The following FSIP1 variants were observed in gnomAD, a reference collection of about 807,000 sequenced individuals.
The protein encoded by FSIP1 is fibrous sheath interacting protein 1.
FSIP1 carries 65 observed loss-of-function variants against 60.9 expected under a neutral mutation model. The ratio of observed to expected loss-of-function variants is 1.07; its 90% CI spans 0.87 to 1.31. The LOEUF is 1.31. Among genes scored for constraint, FSIP1 ranks in the 40% most tolerant of loss-of-function variants. The probability of loss-of-function intolerance (pLI) is 0.00; values close to 1 mark genes in which losing one functional copy is unlikely to be tolerated. For synonymous variants in FSIP1, 209 were observed against 221.2 expected (o/e 0.94, Z 0.49); for missense variants, 675 against 665.5 (o/e 1.01, Z -0.16).
At chr15:39,780,089 G>T (rs1898197739) in intron 1 of FSIP1, among the ~76,000 whole-genome samples, 1 of 152,156 alleles carries the variant, frequency 6.6e-6, no homozygotes, top group Non-Finnish European at 1.5e-5. Context: ...CTTATCCCAA[G>T]AATTAGTGTT....
intron 11 of FSIP1, among the ~76,000 whole-genome samples, chr15:39,603,441 C>T (rs1424530722): frequency 6.6e-6 from 1 of 152,200 alleles, no homozygotes; most frequent in African/African-American, 2.4e-5. Context: ...AGGTAAGAGG[C>T]AGCACTGGCT....
intron 5 of FSIP1, among the ~76,000 whole-genome samples, chr15:39,758,513 G>T (rs1424734608): frequency 4.0e-5 from 6 of 151,810 alleles, no homozygotes; most frequent in Non-Finnish European, 7.4e-5. Flanking sequence ...TTTTTTTGAG[G>T]GGGGGGAATA....
intron 10 of FSIP1, among the ~76,000 whole-genome samples, chr15:39,634,850 T>C (rs1566861786): frequency 6.6e-6 from 1 of 152,154 alleles, no homozygotes; most frequent in Non-Finnish European, 1.5e-5. Context: ...TGTATCTTAC[T>C]CCCAGGATCC....
At chr15:39,625,039 C>T (rs148300117) in intron 10 of FSIP1, among the ~76,000 whole-genome samples, 5 of 152,296 alleles carry the variant, frequency 3.3e-5, no homozygotes, top group African/African-American at 1.2e-4. Flanking sequence ...GTGTGGGAAG[C>T]CCTTTTTATG....
At chr15:39,643,254 A>T (rs1054819310) in intron 10 of FSIP1, among the ~76,000 whole-genome samples, 1 of 152,252 alleles carries the variant, frequency 6.6e-6, no homozygotes, top group South Asian at 2.1e-4. Context: ...GTTTAGGAAA[A>T]CATTTAAAAG....
intron 11 of FSIP1, among the ~76,000 whole-genome samples, chr15:39,612,203 A>AAT (rs995110836): frequency 1.4e-4 from 21 of 152,180 alleles, no homozygotes; most frequent in African/African-American, 4.6e-4. Context: ...ACAGCAAGAA[A>AAT]ATACACATTC....
At chr15:39,668,944 T>C (rs1262189803) in intron 10 of FSIP1, among the ~76,000 whole-genome samples, 6 of 152,238 alleles carry the variant, frequency 3.9e-5, no homozygotes, top group Non-Finnish European at 8.8e-5. Context: ...CAAAGTATTC[T>C]GCTTCTATTT....
intron 9 of FSIP1, among the ~76,000 whole-genome samples, chr15:39,715,401 A>G (rs1895701744): frequency 6.6e-6 from 1 of 152,146 alleles, no homozygotes; most frequent in Admixed American, 6.5e-5. Flanking sequence ...CCACCTAGAC[A>G]GTGACATGGC....
chr15:39,687,578 C>G (rs1447737499), intron 10 of FSIP1, among the ~76,000 whole-genome samples: 2 of 152,174 alleles, frequency 1.3e-5, no homozygotes, highest in African/African-American at 4.8e-5. Context: ...CACTTTGTAT[C>G]CACCTCTTTT....
intron 10 of FSIP1, among the ~76,000 whole-genome samples, chr15:39,639,342 T>C (rs1390005971): frequency 6.6e-6 from 1 of 152,074 alleles, no homozygotes; most frequent in African/African-American, 2.4e-5. Flanking sequence ...GTTTTTAACA[T>C]GGCTCTTGTA....
chr15:39,706,207 A>C (rs1895263270), intron 10 of FSIP1, among the ~76,000 whole-genome samples: 1 of 152,108 alleles, frequency 6.6e-6, no homozygotes, highest in South Asian at 2.1e-4. Flanking sequence ...AATATTCCTA[A>C]AAGTAGAATT....
At chr15:39,763,415 T>C (rs767030206) in intron 5 of FSIP1, among the ~76,000 whole-genome samples, 7 of 152,124 alleles carry the variant, frequency 4.6e-5, no homozygotes, top group Admixed American at 1.3e-4. Context: ...CTCAAAAATA[T>C]AGGACTGTGA....
intron 8 of FSIP1, among the ~76,000 whole-genome samples, chr15:39,732,876 A>G (rs1896463356): frequency 6.6e-6 from 1 of 152,176 alleles, no homozygotes; most frequent in African/African-American, 2.4e-5. Flanking sequence ...AATATAGTAA[A>G]TAGGTTCCTT....
intron 11 of FSIP1, among the ~76,000 whole-genome samples, chr15:39,605,534 C>A (rs1297584283): frequency 1.3e-5 from 2 of 152,158 alleles, no homozygotes; most frequent in African/African-American, 4.8e-5. Flanking sequence ...GGTTGGATTG[C>A]ACTACAAGCA....
chr15:39,738,128 T>C lies in FSIP1; in HGVS notation c.854A>G (p.Asp285Gly), dbSNP rs1896677059. The change falls in exon 8 of 12, where the codon GAC (aspartate) becomes GGC (glycine). Residue 285 changes from aspartate (D) to glycine (G), a missense_variant. Asp to Gly is a moderately conservative substitution (Grantham distance 94). Coordinates refer to ENST00000350221, the MANE Select transcript of FSIP1 (RefSeq NM_152597.5). ...GAGCCCGGAATCTTTCTCATCCAAGTCCTTCAAAAGCTCAACCAGCCTTTT... is the reference window on the plus strand; with the variant it reads ...GAGCCCGGAATCTTTCTCATCCAAGCCCTTCAAAAGCTCAACCAGCCTTTT... ...EKKRLVELLK[D>G]LDEKDSGLSS... The C allele has an allele frequency of 6.2e-7, 1 of 1,613,092 alleles. No homozygotes were observed. The highest frequency in any genetic ancestry group is 1.3e-5 in the African/African-American group (1 of 74,886).
intron 5 of FSIP1, among the ~76,000 whole-genome samples, chr15:39,761,974 G>A (rs1167326876): frequency 2.0e-5 from 3 of 152,130 alleles, no homozygotes; most frequent in African/African-American, 2.4e-5. Context: ...ACTATGAATG[G>A]GGCCTCAGAT....
At chr15:39,611,794 A>G (rs1891045427) in intron 11 of FSIP1, among the ~76,000 whole-genome samples, 1 of 152,244 alleles carries the variant, frequency 6.6e-6, no homozygotes, top group Admixed American at 6.5e-5. Context: ...CTAGTAAGAA[A>G]ATACATGGAC....
chr15:39,704,937 C>T (rs1895203394), intron 10 of FSIP1, among the ~76,000 whole-genome samples: 1 of 152,090 alleles, frequency 6.6e-6, no homozygotes, highest in African/African-American at 2.4e-5. Context: ...ATGCAGTTCA[C>T]CAAACAAGGC....
At chr15:39,733,393 G>A (rs922152524) in intron 8 of FSIP1, among the ~76,000 whole-genome samples, 4 of 152,168 alleles carry the variant, frequency 2.6e-5, no homozygotes, top group African/African-American at 9.7e-5. Flanking sequence ...AGAACAACAT[G>A]GTTGAAACCC....
Sources: allele counts gnomAD v4.1 joint callset (sites outside exome capture counted in the v4.1 genomes callset), GRCh38; gene constraint gnomAD v4.1.1; transcripts MANE v1.5; gene names NCBI Gene and HGNC (gene_info 2026-07-23, HGNC 2026-07-21).